The following ALK variants were observed in gnomAD, a reference collection of about 807,000 sequenced individuals.
ALK encodes ALK receptor tyrosine kinase, also known as ALK tyrosine kinase receptor.
A neutral mutation model predicts 163.1 loss-of-function variants in ALK; 74 were observed. The ratio of observed to expected loss-of-function variants is 0.45; its 90% CI spans 0.38 to 0.55. The LOEUF is 0.55. Among genes scored for constraint, ALK ranks in the 20% least tolerant of loss-of-function variants. The pLI, the probability that ALK is intolerant of heterozygous loss-of-function variation, is 0.00. For missense variants in ALK, 2,063 were observed against 2,105.3 expected, an observed-to-expected ratio of 0.98 and a Z score of 0.39; for synonymous variants, 960 against 843.2, an observed-to-expected ratio of 1.14 and a Z score of -2.40.
rs376331246 is a variant in ALK at position 29,411,440 on chromosome 2, A to T, written c.1155-27581T>A. On this transcript the variant is annotated intron_variant, in intron 4 of 28. Coordinates refer to ENST00000389048, the MANE Select transcript of ALK (RefSeq NM_004304.5). Reference sequence around the variant, plus strand: ...CATTCCTCTCTATTAAAAAAAAAAAACCTTTTGGTATTGGAATCCATGTTT... The same window carrying T: ...CATTCCTCTCTATTAAAAAAAAAAATCCTTTTGGTATTGGAATCCATGTTT... 2.8e-5 allele frequency among the ~76,000 whole-genome samples: 4 copies of T among 142,160 alleles called. No individual in the cohort carries two copies. In the Admixed American group the frequency reaches 2.8e-4, roughly 10 times the overall value. The allele number at this position is 142,160 out of a possible 152,430, so 93.3% of individuals were successfully genotyped here. A position where few individuals can be genotyped will look rare whatever the true frequency, so the allele number is the denominator to read the frequency against.
intron 13 of ALK, among the ~76,000 whole-genome samples, chr2:29,233,999 TTTTG>T (rs766321532): frequency 1.6e-4 from 24 of 152,112 alleles, no homozygotes; most frequent in South Asian, 4.2e-4. Flanking sequence ...GGGAGTTTTT[TTTTG>T]TTTGTTTTTG....
intron 3 of ALK, among the ~76,000 whole-genome samples, chr2:29,591,407 T>C (rs1421216790): frequency 1.3e-5 from 2 of 152,140 alleles, no homozygotes; most frequent in Non-Finnish European, 2.9e-5. Flanking sequence ...ACAGCCAGGA[T>C]GGTAAACAAG....
At chr2:29,623,706 A>T (rs1676107069) in intron 3 of ALK, among the ~76,000 whole-genome samples, 1 of 152,252 alleles carries the variant, frequency 6.6e-6, no homozygotes, top group Non-Finnish European at 1.5e-5. Context: ...AAATTCATCT[A>T]GAGTTTAGAA....
intron 3 of ALK, among the ~76,000 whole-genome samples, chr2:29,532,474 A>T (rs1278457375): frequency 1.6e-4 from 25 of 152,218 alleles, no homozygotes; most frequent in Non-Finnish European, 1.5e-5. Flanking sequence ...TACTAGTTGA[A>T]TGATCTTTGG....
intron 1 of ALK, among the ~76,000 whole-genome samples, chr2:29,891,871 G>A (rs964826900): frequency 1.1e-4 from 16 of 152,186 alleles, no homozygotes; most frequent in African/African-American, 3.9e-4. Context: ...GCTTCTCTCT[G>A]TACAATGCTA....
chr2:29,449,025 T>C (rs1573363849), intron 4 of ALK, among the ~76,000 whole-genome samples: 1 of 152,226 alleles, frequency 6.6e-6, no homozygotes, highest in Non-Finnish European at 1.5e-5. Context: ...TGCTTGATTC[T>C]CATTTCATCC....
At chr2:29,613,982 T>C (rs1049601078) in intron 3 of ALK, among the ~76,000 whole-genome samples, 4 of 152,082 alleles carry the variant, frequency 2.6e-5, no homozygotes, top group Non-Finnish European at 1.5e-5. Flanking sequence ...ACCCAAGCCA[T>C]CGTCTCTCAT....
chr2:29,913,010 G>A (rs1432997667), intron 1 of ALK, among the ~76,000 whole-genome samples: 1 of 152,072 alleles, frequency 6.6e-6, no homozygotes, highest in Non-Finnish European at 1.5e-5. Context: ...AGCCTGCCTA[G>A]ATTTCCCTTG....
intron 4 of ALK, among the ~76,000 whole-genome samples, chr2:29,517,269 C>T (rs932714947): frequency 6.6e-6 from 1 of 152,108 alleles, no homozygotes; most frequent in African/African-American, 2.4e-5. Context: ...CCAGAAGGTG[C>T]CATCCTTACG....
In ALK at chr2:29,253,554, C is replaced by T. The variant is rs1664876055; in HGVS notation, c.2042-2287G>A. 2.6e-5 allele frequency among the ~76,000 whole-genome samples: 4 copies of T among 152,044 alleles called. No homozygotes were observed. In the South Asian group the frequency reaches 8.3e-4, roughly 32 times the overall value. ...TGTCCTGGACAGCAGGACATGTGGC[C>T]AGGGGAGTTGCTGTGAATATGGATC... On this transcript the variant is annotated intron_variant, in intron 11 of 28. Transcript: ENST00000389048.
chr2:29,338,202 C>T (rs1340070949), intron 5 of ALK, among the ~76,000 whole-genome samples: 1 of 152,126 alleles, frequency 6.6e-6, no homozygotes, highest in Non-Finnish European at 1.5e-5. Flanking sequence ...TAGATCCTTG[C>T]AGCAAAACAA....
intron 1 of ALK, among the ~76,000 whole-genome samples, chr2:29,742,882 G>A (rs1680099968): frequency 6.6e-6 from 1 of 152,188 alleles, no homozygotes; most frequent in African/African-American, 2.4e-5. Flanking sequence ...GGCCAGCAAT[G>A]AATAGGGCCC....
intron 3 of ALK, among the ~76,000 whole-genome samples, chr2:29,642,964 AC>A (rs1168961368): frequency 6.6e-6 from 1 of 152,198 alleles, no homozygotes; most frequent in Non-Finnish European, 1.5e-5. Context: ...ATTAAATCCA[AC>A]CTGCCTCTTT....
At chr2:29,691,839 T>C (rs1429027426) in intron 3 of ALK, among the ~76,000 whole-genome samples, 3 of 152,194 alleles carry the variant, frequency 2.0e-5, no homozygotes, top group African/African-American at 7.2e-5. Context: ...GCACAAACTT[T>C]CAAAGTTATC....
At chr2:29,230,653 C>G (rs1664172840) in intron 15 of ALK, among the ~76,000 whole-genome samples, 1 of 152,050 alleles carries the variant, frequency 6.6e-6, no homozygotes, top group African/African-American at 2.4e-5. Context: ...ACAAGCAGAG[C>G]TGAGGCGAGG....
chr2:29,362,702 G>T (rs1668413684), intron 5 of ALK, among the ~76,000 whole-genome samples: 1 of 152,102 alleles, frequency 6.6e-6, no homozygotes, highest in African/African-American at 2.4e-5. Context: ...TCACTATATT[G>T]TAGTCCCTTC....
At chr2:29,217,452 A>G (rs544132169) in intron 23 of ALK, among the ~76,000 whole-genome samples, 1 of 152,076 alleles carries the variant, frequency 6.6e-6, no homozygotes, top group African/African-American at 2.4e-5. Context: ...AGACTCGCAG[A>G]GCATTGCCAG....
At position 29,318,293 on chromosome 2, in the gene ALK, A is replaced by T. The variant is rs2148247893; in HGVS notation, c.1647+11T>A. On this transcript the variant is annotated intron_variant, in intron 8 of 28. Transcript: ENST00000389048. ...GAGAAATTAGAGAACTAGAGAAACA[A>T]GGAGACTTGCCTCACATGGAGAGCT... The T allele has an allele frequency of 6.2e-7, 1 of 1,601,762 alleles. No individual in the cohort carries two copies. Among genetic ancestry groups the T allele is most frequent in the Non-Finnish European group, 8.6e-7 (1 of 1,168,744 alleles).
At chr2:29,403,704 C>G (rs58297005) in intron 4 of ALK, among the ~76,000 whole-genome samples, 1 of 61,644 alleles carries the variant, frequency 1.6e-5, no homozygotes, top group Admixed American at 2.9e-4. Flanking sequence ...TGAGACAGGT[C>G]TCTACAAAAA....
Sources: allele counts gnomAD v4.1 joint callset (sites outside exome capture counted in the v4.1 genomes callset), GRCh38; gene constraint gnomAD v4.1.1; transcripts MANE v1.5; gene names NCBI Gene and HGNC (gene_info 2026-07-23, HGNC 2026-07-21).